Variants in HEATR4 observed in about 807,000 individuals in gnomAD.
The protein encoded by HEATR4 is HEAT repeat containing 4, also known as HEAT repeat-containing protein 4.
In HEATR4, 95 loss-of-function variants were observed where a neutral mutation model predicts 108.8. The ratio of observed to expected loss-of-function variants is 0.87; its 90% CI spans 0.74 to 1.04. HEATR4 has a LOEUF of 1.04. Ranked by LOEUF, HEATR4 falls within the 50% of genes least tolerant of loss-of-function variation. The pLI is 0.00. For synonymous variants in HEATR4, 443 were observed against 459.4 expected (o/e 0.96, Z 0.46); for missense variants, 1,152 against 1,253.8 (o/e 0.92, Z 1.23).
chr14:73,562,971 A>G (rs1889550930), upstream of HEATR4, among the ~76,000 whole-genome samples: 1 of 151,840 alleles, frequency 6.6e-6, no homozygotes, highest in East Asian at 1.9e-4. Flanking sequence ...CTATTCCCTC[A>G]GAAGCATGTG....
the HEATR4 span, among the ~76,000 whole-genome samples, chr14:73,590,299 G>GT: frequency 6.6e-6 from 1 of 152,176 alleles, no homozygotes; most frequent in African/African-American, 2.4e-5. Flanking sequence ...AGTGCCGATT[G>GT]GTGTATTCAC....
the HEATR4 span, among the ~76,000 whole-genome samples, chr14:73,610,429 T>C: frequency 2.0e-5 from 3 of 152,018 alleles, no homozygotes; most frequent in African/African-American, 4.8e-5. Flanking sequence ...TAGCTGGGAT[T>C]ACAGGCGCGT....
chr14:73,572,112 AC>A, the HEATR4 span, among the ~76,000 whole-genome samples: 1 of 139,176 alleles, frequency 7.2e-6, no homozygotes, highest in Non-Finnish European at 1.5e-5. Flanking sequence ...GTCTTAACTT[AC>A]AAAGTTAAAT....
intron 17 of HEATR4, among the ~76,000 whole-genome samples, chr14:73,479,673 G>C (rs952311439): frequency 6.6e-6 from 1 of 151,346 alleles, no homozygotes; most frequent in Non-Finnish European, 1.5e-5. Flanking sequence ...CAGGTGATCC[G>C]CCGGCCTCGG....
intron 1 of HEATR4, among the ~76,000 whole-genome samples, chr14:73,550,935 C>G (rs148046510): frequency 8.8e-6 from 1 of 113,484 alleles, no homozygotes; most frequent in South Asian, 2.8e-4. Flanking sequence ...AGAGGCGGGC[C>G]GATACGAGGT....
In HEATR4 at chr14:73,492,674, G is replaced by A; in HGVS notation, c.2844+392C>T. The A allele has an allele frequency of 6.2e-7, 1 of 1,614,030 alleles. No homozygotes were observed. Among genetic ancestry groups the A allele is most frequent in the Non-Finnish European group, 8.5e-7 (1 of 1,179,890 alleles). ...AGAAACAGAAGTCCATATGCTTCAG[G>A]ATGGGATAGCTCGGCTGGTGGGTGA... On this transcript the variant is annotated intron_variant, in intron 17 of 17. Coordinates refer to ENST00000553558, the MANE Select transcript of HEATR4 (RefSeq NM_001220484.1). The surrounding 1 kb of genome is among the most constrained non-coding windows in gnomAD (Gnocchi z 4.9).
chr14:73,613,140 AG>A, the HEATR4 span: 4 of 488,938 alleles, frequency 8.2e-6, no homozygotes, highest in Admixed American at 4.4e-5. Flanking sequence ...TTCGCTCCAG[AG>A]TCTGTCATGG....
intron 17 of HEATR4, chr14:73,491,985 C>T (rs1379020543): frequency 1.9e-6 from 3 of 1,613,884 alleles, no homozygotes; most frequent in Admixed American, 3.3e-5. Context: ...GGAAGCATGG[C>T]AGGCTCCAAC....
rs1469893482 is a variant in HEATR4, at chr14:73,500,532, T to A, written c.2286+18A>T. ...TCAGGTCAATCAGGTAAGATGAGAA[T>A]ATGTTTCCCTGACTCACCATCTTGT... On this transcript the variant is annotated intron_variant, in intron 12 of 17. Coordinates refer to ENST00000553558, the MANE Select transcript of HEATR4 (RefSeq NM_001220484.1). 3.1e-6 allele frequency: 5 copies of A among 1,609,184 alleles called. No homozygotes were observed. Among genetic ancestry groups the A allele is most frequent in the Non-Finnish European group, 4.2e-6 (5 of 1,177,618 alleles).
At chr14:73,571,179 CCT>C in the HEATR4 span, 3,598 of 152,172 alleles carry the variant, frequency 0.024, 137 homozygotes, top group African/African-American at 0.081. Flanking sequence ...CTATGATCTC[CCT>C]GTTACCATTC....
At chr14:73,512,832 G>T (rs1443198672) in intron 6 of HEATR4, among the ~76,000 whole-genome samples, 12 of 151,978 alleles carry the variant, frequency 7.9e-5, no homozygotes, top group Non-Finnish European at 1.0e-4. Context: ...TTTTGTTATT[G>T]TTTATCTGAT....
the HEATR4 span, chr14:73,612,822 T>C: frequency 7.0e-7 from 1 of 1,423,894 alleles, no homozygotes; most frequent in Non-Finnish European, 9.3e-7. Flanking sequence ...CTGTGGGCGT[T>C]GGAGCCCGAG....
At chr14:73,568,939 T>C in the HEATR4 span, 3 of 441,758 alleles carry the variant, frequency 6.8e-6, no homozygotes, top group African/African-American at 3.9e-5. Flanking sequence ...TGATCAAAAC[T>C]AACTCCAGCT....
chr14:73,508,101 A>G (rs770477859), intron 9 of HEATR4, 33 bp downstream of exon 9: 1 of 1,606,778 alleles, frequency 6.2e-7, no homozygotes. Context: ...ATTGCTCCCC[A>G]AAACTGTGTC....
chr14:73,584,480 G>C, the HEATR4 span, among the ~76,000 whole-genome samples: 2 of 150,820 alleles, frequency 1.3e-5, no homozygotes, highest in African/African-American at 4.9e-5. Context: ...TCTTCAAGGA[G>C]ATGGATTTGA....
In HEATR4 at chr14:73,500,624, A is replaced by G; in HGVS notation, c.2212T>C (p.Phe738Leu). Residue 738 changes from phenylalanine (F) to leucine (L), a missense_variant, in exon 12 of 18, where the codon TTC (phenylalanine) becomes CTC (leucine). Transcript: ENST00000553558. ...AKLLPSFLHCFSDDFTAVRRA... is the reference protein window; with the variant it reads ...AKLLPSFLHCLSDDFTAVRRA... ...CGAACTGCTGTGAAGTCATCAGAGAAGCAGTGCAGGAAGCTTGGGAGAAGC... is the reference window on the plus strand; with the variant it reads ...CGAACTGCTGTGAAGTCATCAGAGAGGCAGTGCAGGAAGCTTGGGAGAAGC... The G allele has an allele frequency of 6.2e-7, 1 of 1,614,192 alleles. No homozygotes were observed. Among genetic ancestry groups the G allele is most frequent in the Non-Finnish European group, 8.5e-7 (1 of 1,180,038 alleles).
chr14:73,524,700 C>T (rs897115602), intron 2 of HEATR4, among the ~76,000 whole-genome samples: 5 of 150,680 alleles, frequency 3.3e-5, no homozygotes, highest in African/African-American at 1.2e-4. Flanking sequence ...ACTTAACCTC[C>T]GTGCCACACT....
At chr14:73,515,749 TCTC>T (rs1056169298) in intron 5 of HEATR4, among the ~76,000 whole-genome samples, 2 of 104,450 alleles carry the variant, frequency 1.9e-5, no homozygotes, top group African/African-American at 7.4e-5. Flanking sequence ...ATACAATGCA[TCTC>T]CTCCAAATGG....
chr14:73,525,365 CA>C (rs1171368341), intron 2 of HEATR4, among the ~76,000 whole-genome samples: 1 of 152,106 alleles, frequency 6.6e-6, no homozygotes, highest in Non-Finnish European at 1.5e-5. Context: ...GCCATTAGGC[CA>C]GAATCAATAA....
Sources: gnomAD v4.1 joint callset for allele counts (sites outside exome capture counted in the v4.1 genomes callset) on GRCh38, gnomAD v4.1.1 for gene constraint, Gnocchi (gnomAD v3.1) non-coding constraint, MANE v1.5 for transcripts, NCBI Gene and HGNC (gene_info 2026-07-23, HGNC 2026-07-21) for gene names.